The following CLSTN1 variants were observed in gnomAD, a reference collection of about 807,000 sequenced individuals.
The protein encoded by CLSTN1 is calsyntenin 1, also known as calsyntenin-1.
Under a neutral mutation model 108.3 loss-of-function variants are expected in CLSTN1, and 28 were observed. That is an observed-to-expected ratio of 0.26 (90% CI 0.19 to 0.35). The LOEUF (loss-of-function observed/expected upper bound fraction) is 0.35, where lower values mean the gene tolerates loss of function less well. Ranked by LOEUF, CLSTN1 falls within the 10% of genes least tolerant of loss-of-function variation. The pLI, the probability that CLSTN1 is intolerant of heterozygous loss-of-function variation, is 1.00. For missense variants in CLSTN1, 1,157 were observed against 1,302.6 expected (o/e 0.89, Z 1.72); for synonymous variants, 524 against 534.9 (o/e 0.98, Z 0.28).
At position 9,735,192 on chromosome 1, in the gene CLSTN1, G is replaced by T. The variant is rs11121486; in HGVS notation, c.1884-18C>A. 6.2e-7 allele frequency: 1 copy of T among 1,612,312 alleles called. No individual in the cohort carries two copies. The highest frequency in any genetic ancestry group is 1.7e-5 in the Admixed American group (1 of 60,008). On this transcript the variant is annotated intron_variant, in intron 13 of 18. Transcript: ENST00000377298. ...TAAAACACCTGCCAGCAAGAAATGG[G>T]GAAGGGTCAGGGCTTTGGGAGCCGA... is the stretch of plus-strand genomic sequence containing the variant.
intron 1 of CLSTN1, among the ~76,000 whole-genome samples, chr1:9,776,828 CATCT>C (rs1652970661): frequency 6.6e-6 from 1 of 150,574 alleles, no homozygotes; most frequent in Non-Finnish European, 1.5e-5. Flanking sequence ...ATTTATCTAT[CATCT>C]ATCAGCATTT....
Position 9,730,382 on chromosome 1 carries a change from G to C in CLSTN1, c.*126C>G, listed in dbSNP as rs565867890. 43 of 828,418 alleles carry C rather than the reference G, an allele frequency of 5.2e-5. No homozygotes were observed. Among genetic ancestry groups the C allele is most frequent in the Non-Finnish European group, 8.3e-5 (42 of 504,064 alleles). 51.3% of individuals were successfully genotyped at this position (828,418 alleles called of 1,614,324 possible). On this transcript the variant is annotated 3_prime_UTR_variant, in exon 19 of 19. Coordinates refer to ENST00000377298, the MANE Select transcript of CLSTN1 (RefSeq NM_001009566.3). This position sits in a 1 kb window ranked among gnomAD's most constrained non-coding sequence, Gnocchi z 5.6. ...CTACACACCAAGCACAGCGACGATC[G>C]TGGCGGGGAGGGGTCTGCACACCTA...
intron 1 of CLSTN1, among the ~76,000 whole-genome samples, chr1:9,815,024 T>C (rs1017447624): frequency 6.6e-6 from 1 of 152,266 alleles, no homozygotes; most frequent in African/African-American, 2.4e-5. Flanking sequence ...ACTCTGCATG[T>C]GTCTGGGTGG....
At chr1:9,774,515 A>G (rs936816070) in intron 1 of CLSTN1, among the ~76,000 whole-genome samples, 2 of 151,850 alleles carry the variant, frequency 1.3e-5, no homozygotes, top group Non-Finnish European at 2.9e-5. Flanking sequence ...GCAGTGAGCC[A>G]AGATCACGCC....
rs191572260 is a variant in CLSTN1 at position 9,754,787 on chromosome 1, G to A, written c.440+327C>T. 5.8e-3 allele frequency among the ~76,000 whole-genome samples: 882 copies of A among 152,208 alleles called. 9 individuals carry two copies. Among genetic ancestry groups the A allele is most frequent in the Middle Eastern group, 0.02 (6 of 294 alleles). ...GGAGAATCGCTTGAACCCAGGAGGCGGAGGTTGCGGCGAGCCAAGATCATG... is the reference window on the plus strand; with the variant it reads ...GGAGAATCGCTTGAACCCAGGAGGCAGAGGTTGCGGCGAGCCAAGATCATG... On this transcript the variant is annotated intron_variant, in intron 4 of 18. Transcript: ENST00000377298.
intron 1 of CLSTN1, among the ~76,000 whole-genome samples, chr1:9,819,011 G>C (rs1655094446): frequency 6.6e-6 from 1 of 151,316 alleles, no homozygotes; most frequent in South Asian, 2.1e-4. Flanking sequence ...AGCCAGGATG[G>C]TCTTGATCTC....
chr1:9,802,984 T>C (rs1303541355), intron 1 of CLSTN1, among the ~76,000 whole-genome samples: 1 of 151,844 alleles, frequency 6.6e-6, no homozygotes, highest in Non-Finnish European at 1.5e-5. Context: ...GCCACCACAC[T>C]TAGGTAATTT....
rs774835957 is a variant in CLSTN1, at chr1:9,755,145, G to T, written c.409C>A (p.Pro137Thr). 2 of 1,613,452 alleles carry T rather than the reference G, an allele frequency of 1.2e-6. No individual in the cohort carries two copies. Among genetic ancestry groups the T allele is most frequent in the Admixed American group, 3.3e-5 (2 of 59,930 alleles). Residue 137 changes from proline (P) to threonine (T), a missense_variant, in exon 4 of 19, where the codon CCT becomes ACT. Physicochemically the swap from Pro to Thr is conservative, Grantham distance 38. Transcript: ENST00000377298. ...GACTTTTTCACGTTGGTGCCATCAG[G>T]TCCCTTCCCACAATCATAGGCCTGG... is the stretch of plus-strand genomic sequence containing the variant. ...TIQAYDCGKG[P>T]DGTNVKKSHK...
At chr1:9,762,637 G>A (rs533689185) in intron 2 of CLSTN1, among the ~76,000 whole-genome samples, 4 of 138,722 alleles carry the variant, frequency 2.9e-5, no homozygotes, top group African/African-American at 6.7e-5. Context: ...CTGGGTGTCC[G>A]GGCTGTCCCT....
intron 15 of CLSTN1, 152 bp downstream of exon 15, chr1:9,733,820 G>C: frequency 1.2e-6 from 1 of 812,554 alleles, no homozygotes; most frequent in Non-Finnish European, 1.9e-6. Flanking sequence ...GAGTATGCGT[G>C]CAGCCAACAA....
chr1:9,772,116 A>G (rs1248252005), intron 2 of CLSTN1, among the ~76,000 whole-genome samples: 1 of 139,752 alleles, frequency 7.2e-6, no homozygotes, highest in African/African-American at 2.7e-5. Context: ...ACCTAGGACT[A>G]CAGGCGCCCA....
At chr1:9,795,281 T>TC (rs1441284507) in intron 1 of CLSTN1, among the ~76,000 whole-genome samples, 2 of 150,818 alleles carry the variant, frequency 1.3e-5, no homozygotes, top group Non-Finnish European at 2.9e-5. Context: ...TTCTCCTGCC[T>TC]CAGCCTCCTG....
At chr1:9,776,008 T>C (rs1419912302) in intron 1 of CLSTN1, among the ~76,000 whole-genome samples, 1 of 151,032 alleles carries the variant, frequency 6.6e-6, no homozygotes, top group Admixed American at 6.6e-5. Context: ...AGCCTTGCTC[T>C]GTCGCCCAGG....
intron 1 of CLSTN1, among the ~76,000 whole-genome samples, chr1:9,803,398 C>G (rs1427722416): frequency 6.6e-6 from 1 of 152,138 alleles, no homozygotes; most frequent in Non-Finnish European, 1.5e-5. Flanking sequence ...CAGGTACAGG[C>G]CCACGCACAG....
At chr1:9,732,234 C>T (rs894770022) in intron 16 of CLSTN1, among the ~76,000 whole-genome samples, 8 of 152,148 alleles carry the variant, frequency 5.3e-5, no homozygotes, top group Admixed American at 2.6e-4. Flanking sequence ...GTTGCCCGGG[C>T]TGGAGCGCAG....
chr1:9,744,481 T>C lies in CLSTN1; in HGVS notation c.1148A>G (p.Lys383Arg), dbSNP rs371416743. The C allele has an allele frequency of 3.6e-4, 581 of 1,611,698 alleles. 10 individuals are homozygous for C. In the South Asian group the frequency reaches 5.8e-3, roughly 16 times the overall value. Residue 383 changes from lysine (K) to arginine (R), a missense_variant, in exon 8 of 19, where the codon AAA becomes AGA. By Grantham distance (26) the Lys-to-Arg change is conservative. Transcript: ENST00000377298. ...CCACACCGAGATGGTGAACGGCTCT[T>C]TGGGGCTGACCGACACGACGCCATC... ...IPDGVVSVSP[K>R]EPFTISVWMR...
At chr1:9,796,623 G>A (rs1654019161) in intron 1 of CLSTN1, among the ~76,000 whole-genome samples, 1 of 151,636 alleles carries the variant, frequency 6.6e-6, no homozygotes, top group Admixed American at 6.6e-5. Flanking sequence ...GGCGGAGCTT[G>A]CAGTGAGCCA....
At chr1:9,744,031 A>G (rs951024838) in intron 8 of CLSTN1, 26 bp from the exon 9 acceptor site, 3 of 1,605,974 alleles carry the variant, frequency 1.9e-6, no homozygotes, top group Non-Finnish European at 2.6e-6. Context: ...CTATGGGTAA[A>G]TTGCCAACTA....
At chr1:9,791,124 A>G (rs1455315539) in intron 1 of CLSTN1, among the ~76,000 whole-genome samples, 2 of 145,968 alleles carry the variant, frequency 1.4e-5, no homozygotes, top group African/African-American at 5.1e-5. Flanking sequence ...CCTGGGCAAC[A>G]GAGTGAGACT....
Sources: gnomAD v4.1 joint callset for allele counts (sites outside exome capture counted in the v4.1 genomes callset) on GRCh38, gnomAD v4.1.1 for gene constraint, Gnocchi (gnomAD v3.1) non-coding constraint, MANE v1.5 for transcripts, NCBI Gene and HGNC (gene_info 2026-07-23, HGNC 2026-07-21) for gene names.